CHEK1: variants seen among roughly 807,000 people sequenced by gnomAD.
The protein encoded by CHEK1 is serine/threonine-protein kinase Chk1.
Under a neutral mutation model 60.2 loss-of-function variants are expected in CHEK1, and 32 were observed. The observed-to-expected ratio is 0.53, with a 90% confidence interval of 0.40 to 0.71. The LOEUF is 0.71. Among genes scored for constraint, CHEK1 ranks in the 30% least tolerant of loss-of-function variants. The pLI, the probability that CHEK1 is intolerant of heterozygous loss-of-function variation, is 0.00. For synonymous variants in CHEK1, 179 were observed against 187.2 expected (o/e 0.96, Z 0.36); for missense variants, 399 against 564.6 (o/e 0.71, Z 2.97).
In CHEK1 at chr11:125,633,286, A is replaced by G. The variant is rs995839011; in HGVS notation, c.548A>G (p.Glu183Gly). 6.2e-7 allele frequency: 1 copy of G among 1,607,180 alleles called. No homozygotes were observed. The highest frequency in any genetic ancestry group is 8.5e-7 in the Non-Finnish European group (1 of 1,178,040). The change falls in exon 6 of 13, where the codon GAA becomes GGA. Residue 183 changes from glutamate to glycine, a missense_variant. Glu to Gly is a moderately conservative substitution (Grantham distance 98). Coordinates refer to ENST00000438015, the MANE Select transcript of CHEK1 (RefSeq NM_001114122.3). ...GCTCCAGAACTTCTGAAGAGAAGAG[A>G]ATTTCATGCAGAACCAGTTGATGTT... ...YVAPELLKRR[E>G]FHAEPVDVWS...
At chr11:125,676,429 T>A, downstream of CHEK1, 1 of 1,614,072 alleles carries the variant, frequency 6.2e-7, no homozygotes, top group Non-Finnish European at 8.5e-7. Context: ...CACGAAGACA[T>A]TTTCCTTGAT....
At chr11:125,680,104 A>C (rs999242220), downstream of CHEK1, among the ~76,000 whole-genome samples, 1 of 152,246 alleles carries the variant, frequency 6.6e-6, no homozygotes, top group African/African-American at 2.4e-5. Context: ...CAAAGCAAAA[A>C]GCAAAACCTC....
At chr11:125,644,289 AAAAGTAAT>A in intron 10 of CHEK1, 21 bp downstream of exon 10, 1 of 1,592,272 alleles carries the variant, frequency 6.3e-7, no homozygotes, top group Non-Finnish European at 8.5e-7. Context: ...TTAATTTTTT[AAAAGTAAT>A]GGCAGCTCTT....
At chr11:125,658,427 T>C (rs1941956162), downstream of CHEK1, among the ~76,000 whole-genome samples, 1 of 152,202 alleles carries the variant, frequency 6.6e-6, no homozygotes. Context: ...CCTTTTCTTT[T>C]TCTTAATAAT....
At chr11:125,658,016 AT>A (rs1198623707), downstream of CHEK1, among the ~76,000 whole-genome samples, 1 of 152,082 alleles carries the variant, frequency 6.6e-6, no homozygotes, top group Admixed American at 6.5e-5. Flanking sequence ...AGTATTCCAA[AT>A]TTTCACCTAC....
intron 8 of CHEK1, among the ~76,000 whole-genome samples, chr11:125,641,785 A>ATTACCTTTTTTTTTTT (rs1322392462): frequency 2.1e-5 from 3 of 142,900 alleles, no homozygotes; most frequent in Middle Eastern, 3.5e-3. Flanking sequence ...TTAGAATCTG[A>ATTACCTTTTTTTTTTT]TTACCTTTTT....
intron 12 of CHEK1, among the ~76,000 whole-genome samples, chr11:125,654,727 C>G (rs1198600638): frequency 6.6e-6 from 1 of 152,102 alleles, no homozygotes; most frequent in East Asian, 1.9e-4. Flanking sequence ...GAGCATTTGC[C>G]GCAGTACTCT....
Position 125,644,573 on chromosome 11 carries a change from A to G in CHEK1, c.1163A>G (p.Lys388Arg). The change falls in exon 11 of 13, where the codon AAA becomes AGA. Residue 388 changes from lysine (K) to arginine (R), a missense_variant. By Grantham distance (26) the Lys-to-Arg change is conservative. This residue lies in a region of CHEK1 where 370 missense variants were observed against 494.8 expected (regional missense o/e 0.75). Transcript: ENST00000438015. ...TTCTTTACCAAATTGGATGCAGACA[A>G]ATCTTATCAATGCCTGAAAGAGACT... ...TRFFTKLDAD[K>R]SYQCLKETCE... The G allele has an allele frequency of 6.2e-7, 1 of 1,614,170 alleles. No homozygotes were observed. The highest frequency in any genetic ancestry group is 1.1e-5 in the South Asian group (1 of 91,086).
downstream of CHEK1, among the ~76,000 whole-genome samples, chr11:125,660,987 G>A (rs550290346): frequency 8.5e-5 from 13 of 152,180 alleles, no homozygotes; most frequent in East Asian, 2.3e-3. Context: ...TGTTGGTCAG[G>A]CTGGTCTCAA....
intron 13 of CHEK1, among the ~76,000 whole-genome samples, chr11:125,663,060 A>T (rs1319068238): frequency 6.6e-6 from 1 of 150,858 alleles, no homozygotes; most frequent in Admixed American, 6.6e-5. Context: ...TTCCAATTAG[A>T]TTTGTTTACA....
intron 8 of CHEK1, among the ~76,000 whole-genome samples, chr11:125,642,366 G>A (rs1210987070): frequency 2.0e-5 from 3 of 151,966 alleles, no homozygotes; most frequent in Non-Finnish European, 1.5e-5. Flanking sequence ...AACTGTATTT[G>A]TATTTATTTT....
intron 13 of CHEK1, among the ~76,000 whole-genome samples, chr11:125,674,954 A>C (rs1942418049): frequency 6.6e-6 from 1 of 152,132 alleles, no homozygotes; most frequent in South Asian, 2.1e-4. Flanking sequence ...TACATCCTGC[A>C]CTTTTCTGAC....
At chr11:125,664,386 A>G (rs1456422449) in intron 13 of CHEK1, among the ~76,000 whole-genome samples, 1 of 151,936 alleles carries the variant, frequency 6.6e-6, no homozygotes, top group African/African-American at 2.4e-5. Flanking sequence ...GGCACCCGCC[A>G]CTACGCCTGG....
intron 13 of CHEK1, among the ~76,000 whole-genome samples, chr11:125,666,388 T>C (rs1210090263): frequency 6.6e-6 from 1 of 152,206 alleles, no homozygotes; most frequent in Non-Finnish European, 1.5e-5. Flanking sequence ...TTTGACTTTT[T>C]TGAATTTCTT....
intron 11 of CHEK1, among the ~76,000 whole-genome samples, chr11:125,651,539 C>T (rs1232211988): frequency 1.3e-5 from 2 of 152,082 alleles, no homozygotes; most frequent in African/African-American, 2.4e-5. Context: ...CCACCCACCT[C>T]GGCCTCCCCA....
In CHEK1 at chr11:125,643,889, C is replaced by G. The variant is rs182542971; in HGVS notation, c.912C>G (p.Asn304Lys). 5.6e-6 allele frequency: 9 copies of G among 1,613,400 alleles called. No individual in the cohort carries two copies. The African/African-American group carries it at 6.7e-5, about 12-fold the overall frequency. Residue 304 changes from asparagine (N) to lysine (K), a missense_variant, in exon 9 of 13, where the codon AAC becomes AAG. This residue lies in a region of CHEK1 where 370 missense variants were observed against 494.8 expected (regional missense o/e 0.75). Transcript: ENST00000438015. ...IQSNLDFSPVNSASSEENVKY... is the reference protein window; with the variant it reads ...IQSNLDFSPVKSASSEENVKY... ...CCAATTTGGACTTCTCTCCAGTAAA[C>G]AGTGCTTCTAGGTAAGACTGATAAA...
At chr11:125,636,987 G>T (rs1341232503) in intron 7 of CHEK1, among the ~76,000 whole-genome samples, 38 of 152,012 alleles carry the variant, frequency 2.5e-4, no homozygotes, top group Non-Finnish European at 1.5e-5. Context: ...AGGAAGATAC[G>T]TGAATTTTTT....
At chr11:125,649,125 C>A (rs947392756) in intron 11 of CHEK1, among the ~76,000 whole-genome samples, 2 of 152,042 alleles carry the variant, frequency 1.3e-5, no homozygotes, top group African/African-American at 4.8e-5. Context: ...TTTCATCAGT[C>A]TGTTTATTTT....
downstream of CHEK1, chr11:125,677,653 G>A: frequency 8.7e-7 from 1 of 1,143,978 alleles, no homozygotes; most frequent in South Asian, 1.6e-5. Context: ...ATTGTGACGA[G>A]AACTAGAGAG....
Sources: gnomAD v4.1 joint callset for allele counts (sites outside exome capture counted in the v4.1 genomes callset) on GRCh38, gnomAD v4.1.1 for gene constraint, gnomAD v4.1.1 regional missense constraint, MANE v1.5 for transcripts, NCBI Gene and HGNC (gene_info 2026-07-23, HGNC 2026-07-21) for gene names.